Variants in ZNF385D observed in about 807,000 individuals in gnomAD.
ZNF385D encodes the protein zinc finger protein 385D.
In ZNF385D, 15 loss-of-function variants were observed where a neutral mutation model predicts 35.8. The ratio of observed to expected loss-of-function variants is 0.42; its 90% confidence interval spans 0.28 to 0.64. ZNF385D has a LOEUF of 0.64. ZNF385D is among the 30% of genes least tolerant of loss of function. The pLI is 0.23. For missense variants in ZNF385D, 474 were observed against 494.6 expected (o/e 0.96, Z 0.39); for synonymous variants, 212 against 186.8 (o/e 1.13, Z -1.10).
intron 3 of ZNF385D, among the ~76,000 whole-genome samples, chr3:21,803,046 T>A (rs573345743): frequency 6.6e-6 from 1 of 152,292 alleles, no homozygotes; most frequent in South Asian, 2.1e-4. Flanking sequence ...GTTAAGAGTT[T>A]GTCTAACTTC....
intron 2 of ZNF385D, among the ~76,000 whole-genome samples, chr3:22,331,134 A>G (rs79208263): frequency 0.03 from 4,510 of 152,334 alleles, 83 homozygotes; most frequent in South Asian, 0.079. Context: ...TTAAGAACTG[A>G]CTGTTCATTA....
intron 3 of ZNF385D, among the ~76,000 whole-genome samples, chr3:21,917,115 C>G (rs2125920376): frequency 6.6e-6 from 1 of 152,286 alleles, no homozygotes; most frequent in Middle Eastern, 3.4e-3. Flanking sequence ...GGAGAAGACA[C>G]AAGATATTTT....
chr3:21,790,863 A>C (rs2071898722), intron 3 of ZNF385D, among the ~76,000 whole-genome samples: 1 of 152,176 alleles, frequency 6.6e-6, no homozygotes. Context: ...TAGAATGTGA[A>C]ATTTGATAGC....
intron 2 of ZNF385D, among the ~76,000 whole-genome samples, chr3:21,657,476 T>A (rs2066105984): frequency 1.3e-5 from 2 of 151,948 alleles, no homozygotes; most frequent in Admixed American, 6.6e-5. Context: ...GATATCTGCT[T>A]CAGTGTGAAA....
At chr3:21,813,285 C>A (rs1392874698) in intron 3 of ZNF385D, among the ~76,000 whole-genome samples, 1 of 152,172 alleles carries the variant, frequency 6.6e-6, no homozygotes, top group East Asian at 1.9e-4. Context: ...AATCAGAGCA[C>A]CTCTTCTCCT....
At chr3:21,582,876 C>G (rs1371011048) in intron 2 of ZNF385D, among the ~76,000 whole-genome samples, 1 of 152,110 alleles carries the variant, frequency 6.6e-6, no homozygotes, top group Non-Finnish European at 1.5e-5. Flanking sequence ...CTCCTAGGTT[C>G]AAGCAATTCT....
At chr3:22,200,008 A>G (rs1336198173) in intron 2 of ZNF385D, among the ~76,000 whole-genome samples, 1 of 152,132 alleles carries the variant, frequency 6.6e-6, no homozygotes, top group Non-Finnish European at 1.5e-5. Flanking sequence ...ATAGGCACTA[A>G]TATTTTTCCT....
intron 3 of ZNF385D, among the ~76,000 whole-genome samples, chr3:21,805,368 G>A (rs1317280439): frequency 6.6e-6 from 1 of 152,162 alleles, no homozygotes; most frequent in African/African-American, 2.4e-5. Context: ...CAAGTCAATT[G>A]CAGTTTTCAC....
chr3:22,085,044 C>T (rs572462267), intron 3 of ZNF385D, among the ~76,000 whole-genome samples: 2 of 152,234 alleles, frequency 1.3e-5, no homozygotes, highest in African/African-American at 4.8e-5. Flanking sequence ...AAAGACACAA[C>T]ATATCAGAAT....
At chr3:22,018,929 T>C (rs1056019031) in intron 3 of ZNF385D, among the ~76,000 whole-genome samples, 6 of 151,810 alleles carry the variant, frequency 4.0e-5, no homozygotes, top group East Asian at 1.9e-4. Context: ...GAGTACAGGA[T>C]TGAACGTGCA....
At chr3:22,013,040 T>C (rs1696671686) in intron 3 of ZNF385D, among the ~76,000 whole-genome samples, 1 of 151,944 alleles carries the variant, frequency 6.6e-6, no homozygotes, top group African/African-American at 2.4e-5. Flanking sequence ...AGAACAAAAA[T>C]TTAAGAAATG....
chr3:21,602,448 C>A (rs1392505157), intron 2 of ZNF385D, among the ~76,000 whole-genome samples: 1 of 151,148 alleles, frequency 6.6e-6, no homozygotes, highest in Non-Finnish European at 1.5e-5. Context: ...TGATGGAGAC[C>A]CAAGTACTAG....
intron 3 of ZNF385D, among the ~76,000 whole-genome samples, chr3:22,090,004 A>C (rs995584975): frequency 1.3e-5 from 2 of 151,874 alleles, no homozygotes; most frequent in Non-Finnish European, 2.9e-5. Context: ...ATGCCAGTCT[A>C]ATTTTTTTGC....
chr3:22,040,117 C>T (rs942533998), intron 3 of ZNF385D, among the ~76,000 whole-genome samples: 6 of 152,132 alleles, frequency 3.9e-5, no homozygotes, highest in African/African-American at 1.2e-4. Context: ...TGCAACTGCT[C>T]CCTCCTCTCA....
chr3:22,254,099 A>G (rs1700193526), intron 2 of ZNF385D, among the ~76,000 whole-genome samples: 1 of 151,874 alleles, frequency 6.6e-6, no homozygotes, highest in Admixed American at 6.6e-5. Context: ...TGTAAAACCT[A>G]CAAGGCATTA....
At chr3:22,211,539 T>C (rs1291305209) in intron 2 of ZNF385D, among the ~76,000 whole-genome samples, 1 of 151,978 alleles carries the variant, frequency 6.6e-6, no homozygotes, top group African/African-American at 2.4e-5. Flanking sequence ...TTCATTTGGA[T>C]AGGTGAACCA....
chr3:21,688,303 A>G (rs1018912488), intron 1 of ZNF385D, among the ~76,000 whole-genome samples: 4 of 152,202 alleles, frequency 2.6e-5, no homozygotes, highest in Non-Finnish European at 4.4e-5. Flanking sequence ...TTTTAGGGAT[A>G]TACCATAACT....
chr3:21,723,524 C>T (rs1004755185), intron 1 of ZNF385D, among the ~76,000 whole-genome samples: 1 of 151,768 alleles, frequency 6.6e-6, no homozygotes, highest in Admixed American at 6.6e-5. Context: ...ATCAAATAGC[C>T]GAATTTATCA....
intron 2 of ZNF385D, among the ~76,000 whole-genome samples, chr3:22,171,806 G>T (rs370192758): frequency 2.3e-4 from 35 of 150,198 alleles, no homozygotes; most frequent in East Asian, 7.9e-4. Flanking sequence ...GAACCCGGGA[G>T]GTAGAGCTTG....
Sources: gnomAD v4.1 joint callset for allele counts (sites outside exome capture counted in the v4.1 genomes callset) on GRCh38, gnomAD v4.1.1 for gene constraint, MANE v1.5 for transcripts, NCBI Gene and HGNC (gene_info 2026-07-23, HGNC 2026-07-21) for gene names.